The following ARHGAP44 variants were observed in gnomAD, a reference collection of about 807,000 sequenced individuals.
ARHGAP44 encodes rho GTPase-activating protein 44.
A neutral mutation model predicts 106.8 loss-of-function variants in ARHGAP44; 43 were observed. The ratio of observed to expected loss-of-function variants is 0.40; its 90% CI spans 0.32 to 0.52. ARHGAP44 has a LOEUF of 0.52. Among genes scored for constraint, ARHGAP44 ranks in the 20% least tolerant of loss-of-function variants. ARHGAP44 has a pLI of 0.48. For synonymous variants in ARHGAP44, 439 were observed against 410.3 expected (o/e 1.07, Z -0.85); for missense variants, 866 against 1,050.5 (o/e 0.82, Z 2.43).
chr17:12,843,803 G>A (rs1207906554), intron 1 of ARHGAP44, among the ~76,000 whole-genome samples: 1 of 151,810 alleles, frequency 6.6e-6, no homozygotes, highest in Admixed American at 6.6e-5. Context: ...TTACAGGCAC[G>A]TGCCACCATG....
chr17:12,847,510 C>CTTTTTTTTTTTTTTTTT (rs201835763), intron 1 of ARHGAP44, among the ~76,000 whole-genome samples: 1 of 133,602 alleles, frequency 7.5e-6, no homozygotes, highest in African/African-American at 3.3e-5. Context: ...GCTACCATCA[C>CTTTTTTTTTTTTTTTTT]TCTTTTTTTT....
intron 1 of ARHGAP44, among the ~76,000 whole-genome samples, chr17:12,812,925 A>G (rs939694832): frequency 2.0e-5 from 3 of 152,174 alleles, no homozygotes; most frequent in Admixed American, 1.3e-4. Context: ...TGTTCTATAA[A>G]AGTCTCTACT....
At chr17:12,910,147 A>C (rs1169780561) in intron 4 of ARHGAP44, among the ~76,000 whole-genome samples, 2 of 152,166 alleles carry the variant, frequency 1.3e-5, no homozygotes, top group African/African-American at 4.8e-5. Flanking sequence ...ATTCTCACTG[A>C]AAGGACTAGT....
chr17:12,968,763 ATTTCT>A (rs1027011643), intron 16 of ARHGAP44, among the ~76,000 whole-genome samples: 2 of 138,788 alleles, frequency 1.4e-5, no homozygotes, highest in African/African-American at 5.4e-5. Flanking sequence ...TTTTTCTTTT[ATTTCT>A]TTTCTTTTTT....
intron 7 of ARHGAP44, among the ~76,000 whole-genome samples, chr17:12,933,135 G>A (rs1328013849): frequency 6.6e-6 from 1 of 152,146 alleles, no homozygotes; most frequent in African/African-American, 2.4e-5. Flanking sequence ...GTTGCCAACT[G>A]TTTTAAATAT....
chr17:12,938,624 A>G (rs1008289132), intron 7 of ARHGAP44, among the ~76,000 whole-genome samples: 6 of 150,682 alleles, frequency 4.0e-5, no homozygotes, highest in Non-Finnish European at 7.4e-5. Context: ...GTGGGATTAC[A>G]GGTTAATTTG....
chr17:12,955,033 C>T (rs539860886), intron 13 of ARHGAP44, among the ~76,000 whole-genome samples: 1 of 152,304 alleles, frequency 6.6e-6, no homozygotes, highest in South Asian at 2.1e-4. Context: ...AACCATGCCC[C>T]TAAGCAACCA....
At chr17:12,792,240 G>C (rs1188518591) in intron 1 of ARHGAP44, among the ~76,000 whole-genome samples, 1 of 152,092 alleles carries the variant, frequency 6.6e-6, no homozygotes, top group Non-Finnish European at 1.5e-5. Context: ...TTGGTTCCAA[G>C]GCCTTCAAGA....
At chr17:12,901,818 T>A (rs998056350) in intron 3 of ARHGAP44, among the ~76,000 whole-genome samples, 1 of 152,052 alleles carries the variant, frequency 6.6e-6, no homozygotes, top group Non-Finnish European at 1.5e-5. Context: ...ACGCACTTGC[T>A]CCTCTAAATC....
chr17:12,911,345 G>C (rs1161711382), intron 4 of ARHGAP44, among the ~76,000 whole-genome samples: 5 of 150,590 alleles, frequency 3.3e-5, no homozygotes, highest in Non-Finnish European at 7.4e-5. Context: ...TTCCTTAAAA[G>C]ACATAAACCC....
intron 18 of ARHGAP44, among the ~76,000 whole-genome samples, chr17:12,979,042 C>A (rs2039767073): frequency 6.6e-6 from 1 of 152,168 alleles, no homozygotes; most frequent in African/African-American, 2.4e-5. Flanking sequence ...GATTTGGGTT[C>A]CCAGACTCTT....
chr17:12,853,054 C>CA (rs952949663), intron 1 of ARHGAP44, among the ~76,000 whole-genome samples: 4 of 152,094 alleles, frequency 2.6e-5, no homozygotes, highest in Admixed American at 2.6e-4. Context: ...CTCACGTGAT[C>CA]ACAAGGTGAA....
intron 16 of ARHGAP44, chr17:12,972,949 T>C (rs75780741): frequency 0.08 from 15,368 of 192,962 alleles, 808 homozygotes; most frequent in Admixed American, 0.12. Flanking sequence ...ATGTGAGCCA[T>C]GGCGCCTGGT....
At chr17:12,876,909 CA>C (rs59331390) in intron 1 of ARHGAP44, among the ~76,000 whole-genome samples, 39,956 of 90,646 alleles carry the variant, frequency 0.44, 5,133 homozygotes, top group African/African-American at 0.5. Flanking sequence ...GACTCCGTCT[CA>C]AAAAAAAAAA....
chr17:12,980,090 C>G lies in ARHGAP44; in HGVS notation c.1796C>G (p.Ser599Cys), dbSNP rs1365536961. The G allele has an allele frequency of 6.2e-7, 1 of 1,613,088 alleles. No individual in the cohort carries two copies. The highest frequency in any genetic ancestry group is 1.1e-5 in the South Asian group (1 of 91,046). ...TTKSKELSPG[S>C]AQKGSPGSSQ... ...AAAAGCAAGGAACTTTCTCCAGGCT[C>G]TGCACAGAAAGGAAGTCCAGGCTCC... Residue 599 changes from serine (S) to cysteine (C), a missense_variant, in exon 19 of 21, where the codon TCT becomes TGT. Transcript: ENST00000379672.
intron 18 of ARHGAP44, among the ~76,000 whole-genome samples, chr17:12,979,062 C>T (rs2039767519): frequency 6.6e-6 from 1 of 152,184 alleles, no homozygotes; most frequent in African/African-American, 2.4e-5. Context: ...TCATGCCCCA[C>T]CTGTGGGCAT....
At chr17:12,892,037 G>C (rs1018155094) in intron 1 of ARHGAP44, among the ~76,000 whole-genome samples, 1 of 152,158 alleles carries the variant, frequency 6.6e-6, no homozygotes, top group African/African-American at 2.4e-5. Flanking sequence ...TGATCCACCC[G>C]CCTTGGCATC....
intron 1 of ARHGAP44, among the ~76,000 whole-genome samples, chr17:12,858,039 A>G (rs995449372): frequency 6.6e-6 from 1 of 152,090 alleles, no homozygotes; most frequent in African/African-American, 2.4e-5. Flanking sequence ...AGGTTCTTGT[A>G]TATGTATATT....
chr17:12,933,430 C>T (rs2038457105), intron 7 of ARHGAP44, among the ~76,000 whole-genome samples: 1 of 152,184 alleles, frequency 6.6e-6, no homozygotes, highest in Non-Finnish European at 1.5e-5. Context: ...ACCCACTGAG[C>T]CCTCAGGCAG....
Sources: gnomAD v4.1 joint callset for allele counts (sites outside exome capture counted in the v4.1 genomes callset) on GRCh38, gnomAD v4.1.1 for gene constraint, MANE v1.5 for transcripts, NCBI Gene and HGNC (gene_info 2026-07-23, HGNC 2026-07-21) for gene names.